Variants in ALG6 observed in about 807,000 individuals in gnomAD.
ALG6 encodes the protein dolichyl pyrophosphate Man9GlcNAc2 alpha-1,3-glucosyltransferase.
Under a neutral mutation model 66.6 loss-of-function variants are expected in ALG6, and 46 were observed. The ratio of observed to expected loss-of-function variants is 0.69; its 90% CI spans 0.55 to 0.88. ALG6 has a LOEUF of 0.88. Among genes scored for constraint, ALG6 ranks in the 40% least tolerant of loss-of-function variants. The pLI, the probability that ALG6 is intolerant of heterozygous loss-of-function variation, is 0.00. For synonymous variants in ALG6, 185 were observed against 203.7 expected, an observed-to-expected ratio of 0.91 and a Z score of 0.78; for missense variants, 505 against 586.8, an observed-to-expected ratio of 0.86 and a Z score of 1.44.
rs1402727257 is a variant in ALG6, at chr1:63,413,862, G to T, written c.817-199G>T. ...GGTGGGCCAATGCTTTTGATCAACT[G>T]CCCTGCACAAAAATGAAAAATGCTT... On this transcript the variant is annotated intron_variant, in intron 9 of 14. Coordinates refer to ENST00000263440, the MANE Select transcript of ALG6 (RefSeq NM_013339.4). The T allele has an allele frequency of 1.0e-4, 52 of 497,268 alleles. 1 individual carries two copies. Among genetic ancestry groups the T allele is most frequent in the South Asian group, 8.6e-4 (39 of 45,344 alleles). The allele number at this position is 497,268 out of a possible 1,614,324, so 30.8% of individuals were successfully genotyped here. A position where few individuals can be genotyped will look rare whatever the true frequency, so the allele number is the denominator to read the frequency against.
chr1:63,393,894 A>G (rs1648743141), intron 2 of ALG6, among the ~76,000 whole-genome samples: 1 of 152,202 alleles, frequency 6.6e-6, no homozygotes, highest in Admixed American at 6.5e-5. Flanking sequence ...ACATTCTGAG[A>G]ATAGAAAACT....
intron 1 of ALG6, among the ~76,000 whole-genome samples, chr1:63,369,591 T>G (rs1033949641): frequency 1.3e-5 from 2 of 151,122 alleles, no homozygotes; most frequent in Admixed American, 1.3e-4. Flanking sequence ...ATTGTGCCAT[T>G]GTACTCCAGC....
intron 12 of ALG6, among the ~76,000 whole-genome samples, chr1:63,427,532 T>C (rs780639190): frequency 2.0e-5 from 3 of 152,160 alleles, no homozygotes; most frequent in Admixed American, 6.6e-5. Context: ...AAACACTAGA[T>C]GATACCTGCA....
At chr1:63,413,158 C>G (rs767584687) in intron 9 of ALG6, among the ~76,000 whole-genome samples, 21 of 152,078 alleles carry the variant, frequency 1.4e-4, no homozygotes, top group Non-Finnish European at 2.8e-4. Flanking sequence ...GATTAGAAAA[C>G]TGAGGTCAAA....
chr1:63,424,391 G>A (rs1317066497), intron 12 of ALG6, among the ~76,000 whole-genome samples: 11 of 152,024 alleles, frequency 7.2e-5, no homozygotes, highest in Admixed American at 7.2e-4. Flanking sequence ...CACCCGCCTC[G>A]GCCTCCCAAA....
intron 12 of ALG6, among the ~76,000 whole-genome samples, chr1:63,425,492 G>T (rs1468013524): frequency 6.6e-6 from 1 of 152,156 alleles, no homozygotes; most frequent in East Asian, 1.9e-4. Context: ...GAAGTGAGAG[G>T]GAAAGTCATT....
intron 7 of ALG6, among the ~76,000 whole-genome samples, chr1:63,407,863 G>T (rs1280780295): frequency 6.6e-6 from 1 of 152,054 alleles, no homozygotes; most frequent in Admixed American, 6.6e-5. Flanking sequence ...ATTCAAGTCT[G>T]TAGTTGTTTT....
intron 2 of ALG6, among the ~76,000 whole-genome samples, chr1:63,392,441 G>A (rs370175813): frequency 1.3e-5 from 2 of 152,108 alleles, no homozygotes; most frequent in African/African-American, 4.8e-5. Context: ...AAAGTGCTGT[G>A]ATTACAGACA....
In ALG6 at chr1:63,436,897, G is replaced by A. The variant is rs149524560; in HGVS notation, c.1401G>A (p.Pro467=). 9.3e-6 allele frequency: 15 copies of A among 1,613,634 alleles called. No individual in the cohort carries two copies. The highest frequency in any genetic ancestry group is 4.5e-5 in the East Asian group (2 of 44,872). The change falls in exon 15 of 15, where the codon CCG becomes CCA. Residue 467 remains proline, a synonymous_variant. Coordinates refer to ENST00000263440, the MANE Select transcript of ALG6 (RefSeq NM_013339.4). ...CACTGGATCCTCCTCAGAAACTACC[G>A]GACTTGTTTTCTGTATTGGTGTGTT... The part of the protein sequence containing the change: ...TVTLDPPQKL[P]DLFSVLVCFV...
intron 7 of ALG6, among the ~76,000 whole-genome samples, chr1:63,410,015 C>A (rs1166462039): frequency 6.6e-6 from 1 of 152,038 alleles, no homozygotes; most frequent in East Asian, 1.9e-4. Context: ...TTCAGTTAAT[C>A]TCTTGTTTTC....
At chr1:63,393,590 GT>G (rs1348667691) in intron 2 of ALG6, among the ~76,000 whole-genome samples, 4 of 152,184 alleles carry the variant, frequency 2.6e-5, no homozygotes, top group African/African-American at 9.7e-5. Context: ...TTGGATATGA[GT>G]TGATAGAAAT....
At chr1:63,436,694 T>TA (rs1399057697) in intron 14 of ALG6, 129 bp from the exon 15 acceptor site, 2 of 875,538 alleles carry the variant, frequency 2.3e-6, no homozygotes, top group Non-Finnish European at 3.7e-6. Flanking sequence ...AAAGTTGAGA[T>TA]ACACCAGAAT....
intron 1 of ALG6, among the ~76,000 whole-genome samples, chr1:63,370,108 G>A (rs189248980): frequency 1.3e-5 from 2 of 151,166 alleles, no homozygotes; most frequent in Non-Finnish European, 2.9e-5. Context: ...GTGAGCCACC[G>A]CAACCGGCAT....
At chr1:63,369,640 A>G (rs752750270) in intron 1 of ALG6, among the ~76,000 whole-genome samples, 23 of 128,644 alleles carry the variant, frequency 1.8e-4, no homozygotes, top group Non-Finnish European at 3.0e-4. Flanking sequence ...AAAAAAAAAG[A>G]AAAAAAAACA....
At chr1:63,405,301 C>A (rs573568874) in intron 5 of ALG6, among the ~76,000 whole-genome samples, 9 of 152,250 alleles carry the variant, frequency 5.9e-5, no homozygotes, top group African/African-American at 2.2e-4. Context: ...GATTATTTGG[C>A]TTCTGAACCA....
intron 3 of ALG6, among the ~76,000 whole-genome samples, chr1:63,396,939 A>G (rs1648842132): frequency 6.6e-6 from 1 of 152,190 alleles, no homozygotes; most frequent in Non-Finnish European, 1.5e-5. Context: ...CTCTCACTAA[A>G]GATCACTATG....
At position 63,437,374 on chromosome 1, in the gene ALG6, G is replaced by C. The variant is rs1642417583; in HGVS notation, c.*354G>C. 3.6e-6 allele frequency: 1 copy of C among 280,464 alleles called. No individual in the cohort carries two copies. The highest frequency in any genetic ancestry group is 6.9e-6 in the Non-Finnish European group (1 of 144,994). 17.4% of individuals were successfully genotyped at this position (280,464 alleles called of 1,614,324 possible). On this transcript the variant is annotated 3_prime_UTR_variant, in exon 15 of 15. Coordinates refer to ENST00000263440, the MANE Select transcript of ALG6 (RefSeq NM_013339.4). ...AGAAATATTTCTTGATATTTGCTTTGTCTAAACCTACTTCCTTCATCAGAC... is the reference window on the plus strand; with the variant it reads ...AGAAATATTTCTTGATATTTGCTTTCTCTAAACCTACTTCCTTCATCAGAC...
At chr1:63,425,105 G>A (rs554145621) in intron 12 of ALG6, among the ~76,000 whole-genome samples, 2 of 152,244 alleles carry the variant, frequency 1.3e-5, no homozygotes, top group South Asian at 4.1e-4. Context: ...GTGTGAGGAA[G>A]GTAGACTGTT....
At chr1:63,411,370 T>G in intron 8 of ALG6, 39 bp downstream of exon 8, 1 of 1,582,342 alleles carries the variant, frequency 6.3e-7, no homozygotes, top group East Asian at 2.2e-5. Flanking sequence ...AAAATTTACT[T>G]CAGATAATTT....
Sources: allele counts gnomAD v4.1 joint callset (sites outside exome capture counted in the v4.1 genomes callset), GRCh38; gene constraint gnomAD v4.1.1; transcripts MANE v1.5; gene names NCBI Gene and HGNC (gene_info 2026-07-23, HGNC 2026-07-21).